The following RAB10 variants were observed in gnomAD, a reference collection of about 807,000 sequenced individuals.
The protein encoded by RAB10 is ras-related protein Rab-10.
A neutral mutation model predicts 25.7 loss-of-function variants in RAB10; 5 were observed. That is an observed-to-expected ratio of 0.19 (90% CI 0.10 to 0.41). The LOEUF (loss-of-function observed/expected upper bound fraction) is 0.41. Among genes scored for constraint, RAB10 ranks in the 10% least tolerant of loss-of-function variants. The probability of loss-of-function intolerance (pLI) is 1.00; values close to 1 mark genes in which losing one functional copy is unlikely to be tolerated. For missense variants in RAB10, 103 were observed against 245.8 expected (o/e 0.42, Z 3.89); for synonymous variants, 89 against 86.4 (o/e 1.03, Z -0.16).
rs1666535476 is a variant in RAB10, at chr2:26,067,334, A to AT, written c.128-31327dup. ...AAAAATACATAGATTAGTTGTAGAT[A>AT]TACACTGTGTAACAATGAAAAGGTC... On this transcript the variant is annotated intron_variant, in intron 1 of 5. Transcript: ENST00000264710. Among the ~76,000 whole-genome samples the AT allele has an allele frequency of 5.9e-5, 9 of 152,318 alleles. No homozygotes were observed. In the South Asian group the frequency reaches 1.9e-3, roughly 32 times the overall value.
At chr2:26,133,095 G>A (rs1668042388) in intron 5 of RAB10, among the ~76,000 whole-genome samples, 1 of 152,138 alleles carries the variant, frequency 6.6e-6, no homozygotes, top group Non-Finnish European at 1.5e-5. Context: ...AAGTAGGAGA[G>A]CTCTAAGGGC....
At chr2:26,084,210 A>G (rs1250358863) in intron 1 of RAB10, among the ~76,000 whole-genome samples, 2 of 152,156 alleles carry the variant, frequency 1.3e-5, no homozygotes, top group Admixed American at 6.6e-5. Context: ...TCATTCCTTG[A>G]CCACCTCATA....
rs567872540 is a variant in RAB10 at position 26,118,743 on chromosome 2, C to T, written c.328-8401C>T. The stretch of plus-strand genomic sequence containing the variant: ...TGCTGACCCAAAATGTCTGTATGGC[C>T]GAAGTTGAGAAACCTTGGTCTAAAT... On this transcript the variant is annotated intron_variant, in intron 3 of 5. Transcript: ENST00000264710. Among the ~76,000 whole-genome samples, 5 of 152,048 alleles carry T rather than the reference C, an allele frequency of 3.3e-5. No homozygotes were observed. In the East Asian group the frequency reaches 5.8e-4, roughly 18 times the overall value.
intron 1 of RAB10, among the ~76,000 whole-genome samples, chr2:26,057,701 C>T (rs911955679): frequency 6.6e-6 from 1 of 151,572 alleles, no homozygotes; most frequent in Non-Finnish European, 1.5e-5. Flanking sequence ...CTGCTGACTG[C>T]AACCTTCATC....
At chr2:26,052,686 C>G (rs1666163730) in intron 1 of RAB10, among the ~76,000 whole-genome samples, 1 of 152,020 alleles carries the variant, frequency 6.6e-6, no homozygotes, top group South Asian at 2.1e-4. Flanking sequence ...TTTCATTGTA[C>G]ACATTTGTAT....
chr2:26,054,792 T>A (rs1224529553), intron 1 of RAB10, among the ~76,000 whole-genome samples: 1 of 152,156 alleles, frequency 6.6e-6, no homozygotes, highest in African/African-American at 2.4e-5. Context: ...AGAGAGTTTA[T>A]TTTGCTTGTG....
chr2:26,114,414 A>G (rs997813119), intron 3 of RAB10, among the ~76,000 whole-genome samples: 35 of 152,222 alleles, frequency 2.3e-4, no homozygotes, highest in Admixed American at 3.9e-4. Flanking sequence ...ATTGAATAGT[A>G]TTGAGAGTCT....
intron 1 of RAB10, among the ~76,000 whole-genome samples, chr2:26,064,822 G>A (rs1666479794): frequency 6.6e-6 from 1 of 152,176 alleles, no homozygotes; most frequent in African/African-American, 2.4e-5. Flanking sequence ...TGAAGTGGGA[G>A]GATCTCTTGA....
chr2:26,083,370 T>C (rs1666908793), intron 1 of RAB10, among the ~76,000 whole-genome samples: 2 of 152,050 alleles, frequency 1.3e-5, no homozygotes, highest in African/African-American at 4.8e-5. Flanking sequence ...ATTATTTTTC[T>C]TTTTTCTCTT....
At chr2:26,085,255 G>A (rs192903732) in intron 1 of RAB10, among the ~76,000 whole-genome samples, 4 of 152,120 alleles carry the variant, frequency 2.6e-5, no homozygotes, top group African/African-American at 9.7e-5. Context: ...TTGGGAGGCA[G>A]AGGCGGGTGG....
chr2:26,079,324 AACACACACAC>A (rs34334774), intron 1 of RAB10, among the ~76,000 whole-genome samples: 1 of 92,590 alleles, frequency 1.1e-5, no homozygotes, highest in South Asian at 3.4e-4. Context: ...CACACACACA[AACACACACAC>A]ACACACACAC....
At chr2:26,088,747 C>T (rs1165613421) in intron 1 of RAB10, among the ~76,000 whole-genome samples, 2 of 152,058 alleles carry the variant, frequency 1.3e-5, no homozygotes, top group African/African-American at 4.8e-5. Flanking sequence ...GTCTCAGCCT[C>T]CTGAGTGGCT....
At chr2:26,106,937 T>C (rs1667474959) in intron 2 of RAB10, among the ~76,000 whole-genome samples, 1 of 142,524 alleles carries the variant, frequency 7.0e-6, no homozygotes, top group Non-Finnish European at 1.5e-5. Context: ...CAGGAGAAAA[T>C]CTTTGGAACA....
chr2:26,040,420 T>G (rs181713666), intron 1 of RAB10, among the ~76,000 whole-genome samples: 1 of 152,132 alleles, frequency 6.6e-6, no homozygotes, highest in East Asian at 1.9e-4. Flanking sequence ...TCCCAGCACT[T>G]TGGGAGGCTG....
chr2:26,104,391 C>T (rs900041909), intron 2 of RAB10, among the ~76,000 whole-genome samples: 1 of 152,034 alleles, frequency 6.6e-6, no homozygotes, highest in Admixed American at 6.6e-5. Flanking sequence ...TGGATAAATG[C>T]CTGTTTAGAT....
At chr2:26,122,893 G>A (rs374142500) in intron 3 of RAB10, among the ~76,000 whole-genome samples, 1 of 152,050 alleles carries the variant, frequency 6.6e-6, no homozygotes, top group African/African-American at 2.4e-5. Context: ...CCTATTCTCG[G>A]GGTGGCAGGG....
At chr2:26,125,500 A>T (rs1370043863) in intron 3 of RAB10, among the ~76,000 whole-genome samples, 1 of 144,952 alleles carries the variant, frequency 6.9e-6, no homozygotes, top group Non-Finnish European at 1.5e-5. Context: ...AGGCTGGAGT[A>T]CAGAGGCATG....
intron 1 of RAB10, among the ~76,000 whole-genome samples, chr2:26,097,366 C>T (rs193091867): frequency 3.0e-4 from 46 of 152,242 alleles, no homozygotes; most frequent in African/African-American, 1.1e-3. Context: ...CTCCACCTCC[C>T]GGGTTCAAGT....
At chr2:26,039,396 A>C (rs1411489074) in intron 1 of RAB10, among the ~76,000 whole-genome samples, 1 of 151,600 alleles carries the variant, frequency 6.6e-6, no homozygotes, top group Non-Finnish European at 1.5e-5. Context: ...CCCAGGCTGG[A>C]GTGTAGTGGC....
Sources: gnomAD v4.1 joint callset for allele counts (sites outside exome capture counted in the v4.1 genomes callset) on GRCh38, gnomAD v4.1.1 for gene constraint, MANE v1.5 for transcripts, NCBI Gene and HGNC (gene_info 2026-07-23, HGNC 2026-07-21) for gene names.